Variants in VRK2 observed in about 807,000 individuals in gnomAD.
VRK2 encodes the protein VRK serine/threonine kinase 2.
A neutral mutation model predicts 57.6 loss-of-function variants in VRK2; 60 were observed. The observed-to-expected ratio is 1.04, with a 90% CI of 0.85 to 1.29. VRK2 has a LOEUF of 1.29. Among genes scored for constraint, VRK2 ranks in the 50% most tolerant of loss-of-function variants. VRK2 has a pLI of 0.00. For missense variants in VRK2, 705 were observed against 588.1 expected, an observed-to-expected ratio of 1.20 and a Z score of -2.06; for synonymous variants, 231 against 199.2, an observed-to-expected ratio of 1.16 and a Z score of -1.35.
intron 7 of VRK2, among the ~76,000 whole-genome samples, chr2:58,096,544 A>T (rs1388731054): frequency 6.6e-6 from 1 of 151,164 alleles, no homozygotes; most frequent in Non-Finnish European, 1.5e-5. Context: ...TATGACTTAA[A>T]TTTTTCGTAC....
chr2:57,950,775 C>T (rs57531947), intron 1 of VRK2, among the ~76,000 whole-genome samples: 10,261 of 152,166 alleles, frequency 0.067, 1,133 homozygotes, highest in African/African-American at 0.23. Flanking sequence ...CGTAAAGGAT[C>T]AACCATTCTA....
At chr2:57,974,514 AAAT>A (rs1246458408) in intron 1 of VRK2, among the ~76,000 whole-genome samples, 1 of 152,018 alleles carries the variant, frequency 6.6e-6, no homozygotes, top group East Asian at 1.9e-4. Flanking sequence ...ACAAAAAACT[AAAT>A]ATAAAATTAT....
intron 1 of VRK2, among the ~76,000 whole-genome samples, chr2:58,012,695 A>G (rs1317269847): frequency 2.0e-5 from 3 of 152,362 alleles, no homozygotes; most frequent in East Asian, 1.9e-4. Context: ...GGGGCTCATT[A>G]TAAATAACAA....
chr2:57,958,015 T>C (rs750536739), intron 1 of VRK2, among the ~76,000 whole-genome samples: 3 of 152,202 alleles, frequency 2.0e-5, no homozygotes, highest in Non-Finnish European at 4.4e-5. Context: ...ACACTGACTG[T>C]GTCCATGAGA....
At chr2:57,916,405 C>CAG (rs1553359425) in intron 1 of VRK2, among the ~76,000 whole-genome samples, 3 of 84,668 alleles carry the variant, frequency 3.5e-5, no homozygotes, top group Admixed American at 1.2e-4. Context: ...AACTTCGTCT[C>CAG]AGAGAAAAAA....
At chr2:58,126,114 G>A (rs1678300318) in intron 8 of VRK2, among the ~76,000 whole-genome samples, 1 of 151,298 alleles carries the variant, frequency 6.6e-6, no homozygotes. Flanking sequence ...CAAATACTGA[G>A]GAAAAATAGT....
chr2:58,081,859 T>C (rs1370206916), intron 2 of VRK2, among the ~76,000 whole-genome samples: 6 of 43,704 alleles, frequency 1.4e-4, no homozygotes, highest in African/African-American at 9.3e-4. Context: ...ACCATGTCCG[T>C]GTGTGTGTGT....
At chr2:58,106,757 C>T (rs1380008789) in intron 7 of VRK2, among the ~76,000 whole-genome samples, 1 of 151,914 alleles carries the variant, frequency 6.6e-6, no homozygotes, top group Non-Finnish European at 1.5e-5. Flanking sequence ...AAAACAGAAA[C>T]TGCTTTTTAC....
intron 7 of VRK2, among the ~76,000 whole-genome samples, chr2:58,099,246 T>C (rs1673608728): frequency 1.3e-5 from 2 of 152,070 alleles, no homozygotes; most frequent in Non-Finnish European, 2.9e-5. Context: ...GGCACCTCTT[T>C]GTTTATCAGA....
chr2:57,961,466 T>C (rs1272629080), intron 1 of VRK2, among the ~76,000 whole-genome samples: 1 of 152,192 alleles, frequency 6.6e-6, no homozygotes, highest in Non-Finnish European at 1.5e-5. Context: ...TAAGCCCTTA[T>C]AGGCATTGAC....
At chr2:58,089,799 C>A in intron 7 of VRK2, 76 bp downstream of exon 7, 2 of 1,004,982 alleles carry the variant, frequency 2.0e-6, no homozygotes, top group Non-Finnish European at 3.1e-6. Flanking sequence ...AACTTCTAAC[C>A]CAGAAGAGTT....
At chr2:58,114,725 C>T (rs1381037118) in intron 7 of VRK2, among the ~76,000 whole-genome samples, 15 of 151,834 alleles carry the variant, frequency 9.9e-5, no homozygotes, top group African/African-American at 3.7e-4. Context: ...AACTGCTTGG[C>T]TGATTTGACT....
chr2:58,101,185 T>C (rs1337433288), intron 7 of VRK2, among the ~76,000 whole-genome samples: 1 of 151,742 alleles, frequency 6.6e-6, no homozygotes, highest in Admixed American at 6.6e-5. Context: ...GCTCGTAAGA[T>C]TCCAAGGCAA....
chr2:58,005,928 C>T (rs1673229015), intron 1 of VRK2, among the ~76,000 whole-genome samples: 1 of 152,170 alleles, frequency 6.6e-6, no homozygotes. Flanking sequence ...ATTGCTGCTG[C>T]TTTGACTAAA....
At chr2:58,033,612 C>T (rs1042504622) in intron 3 of VRK2, 1 of 151,914 alleles carries the variant, frequency 6.6e-6, no homozygotes, top group African/African-American at 2.4e-5. Flanking sequence ...TGTTAATCAA[C>T]AATAGTAAAT....
intron 1 of VRK2, among the ~76,000 whole-genome samples, chr2:57,921,617 T>A (rs1670353421): frequency 6.6e-6 from 1 of 152,188 alleles, no homozygotes; most frequent in South Asian, 2.1e-4. Context: ...CTTAAAAAAA[T>A]TTTGAAAGGT....
At chr2:58,149,364 A>C (rs1682652931) in intron 12 of VRK2, among the ~76,000 whole-genome samples, 1 of 151,668 alleles carries the variant, frequency 6.6e-6, no homozygotes, top group Admixed American at 6.6e-5. Context: ...GTTATATTTG[A>C]TATACAATAT....
chr2:57,983,528 T>G (rs1338371432), intron 1 of VRK2, among the ~76,000 whole-genome samples: 4 of 152,178 alleles, frequency 2.6e-5, no homozygotes. Flanking sequence ...AACTGCCATA[T>G]AAGTATAAAG....
chr2:57,987,923 C>G (rs557132060), intron 1 of VRK2, among the ~76,000 whole-genome samples: 2 of 152,208 alleles, frequency 1.3e-5, no homozygotes, highest in East Asian at 3.9e-4. Flanking sequence ...TACTTAAAAA[C>G]TTAATTTACA....
Sources: gnomAD v4.1 joint callset for allele counts (sites outside exome capture counted in the v4.1 genomes callset) on GRCh38, gnomAD v4.1.1 for gene constraint, MANE v1.5 for transcripts, NCBI Gene and HGNC (gene_info 2026-07-23, HGNC 2026-07-21) for gene names.